Variants in KCNIP4 observed in about 807,000 individuals in gnomAD.
KCNIP4 encodes the protein potassium voltage-gated channel interacting protein 4, also known as Kv channel-interacting protein 4.
Under a neutral mutation model 34.0 loss-of-function variants are expected in KCNIP4, and 12 were observed. The ratio of observed to expected loss-of-function variants is 0.35; its 90% CI spans 0.23 to 0.57. KCNIP4 has a LOEUF of 0.57. Ranked by LOEUF, KCNIP4 falls within the 20% of genes least tolerant of loss-of-function variation. KCNIP4 has a pLI of 0.83. For missense variants in KCNIP4, 238 were observed against 311.7 expected (o/e 0.76, Z 1.78); for synonymous variants, 124 against 102.2 (o/e 1.21, Z -1.29).
chr4:21,428,035 TA>T (rs1278686802), intron 1 of KCNIP4, among the ~76,000 whole-genome samples: 6 of 151,606 alleles, frequency 4.0e-5, no homozygotes, highest in East Asian at 1.9e-4. Flanking sequence ...AAGGAGAGAG[TA>T]TTTTTTTTAT....
At chr4:21,611,572 ATT>A (rs2109147292) in intron 1 of KCNIP4, among the ~76,000 whole-genome samples, 1 of 152,316 alleles carries the variant, frequency 6.6e-6, no homozygotes, top group Admixed American at 6.5e-5. Flanking sequence ...GTTTGTTAAC[ATT>A]GATGAAGACA....
At chr4:21,117,315 G>A (rs566675688) in intron 1 of KCNIP4, among the ~76,000 whole-genome samples, 6 of 128,182 alleles carry the variant, frequency 4.7e-5, no homozygotes, top group African/African-American at 8.1e-5. Context: ...GGGGGGGGGG[G>A]GGGGCGCTGT....
Position 20,889,767 on chromosome 4 carries a change from C to CAA in KCNIP4, c.62-7060_62-7059dup, listed in dbSNP as rs201346832. Among the ~76,000 whole-genome samples the CAA allele has an allele frequency of 5.8e-4, 66 of 113,986 alleles. 1 individual carries two copies. The highest frequency in any genetic ancestry group is 5.0e-3 in the Middle Eastern group (1 of 200). The allele number at this position is 113,986 out of a possible 152,430, so 74.8% of individuals were successfully genotyped here. On this transcript the variant is annotated intron_variant, in intron 1 of 8. Transcript: ENST00000382152. ...GTTTAAAAAATAAAAACTGGAAGTT[C>CAA]AAAAAAAAAAAAAAACAAAATTAAG...
At chr4:21,579,929 A>G (rs1007549983) in intron 1 of KCNIP4, among the ~76,000 whole-genome samples, 1 of 152,164 alleles carries the variant, frequency 6.6e-6, no homozygotes, top group African/African-American at 2.4e-5. Context: ...TTTTCACAGA[A>G]CGCTTAGGTA....
At chr4:21,824,397 T>TA (rs903020894) in intron 1 of KCNIP4, among the ~76,000 whole-genome samples, 2 of 152,142 alleles carry the variant, frequency 1.3e-5, no homozygotes, top group African/African-American at 4.8e-5. Flanking sequence ...CTCCTAGGGA[T>TA]AAAATCACTA....
chr4:21,909,808 AAAGG>A, intron 1 of KCNIP4, among the ~76,000 whole-genome samples: 1 of 152,090 alleles, frequency 6.6e-6, no homozygotes, highest in East Asian at 1.9e-4. Context: ...GGCGACAGGC[AAAGG>A]GAGAATGAGA....
At chr4:21,308,968 T>A (rs998106417) in intron 1 of KCNIP4, among the ~76,000 whole-genome samples, 2 of 66,070 alleles carry the variant, frequency 3.0e-5, no homozygotes, top group African/African-American at 3.4e-4. Context: ...AAAATGAACG[T>A]GCTTAGAGAC....
chr4:21,071,977 C>A (rs989221635), intron 1 of KCNIP4, among the ~76,000 whole-genome samples: 1 of 152,022 alleles, frequency 6.6e-6, no homozygotes, highest in African/African-American at 2.4e-5. Context: ...TGAACTCATC[C>A]TTTTTTATGG....
chr4:21,417,832 A>T (rs989095990), intron 1 of KCNIP4, among the ~76,000 whole-genome samples: 2 of 152,214 alleles, frequency 1.3e-5, no homozygotes, highest in Non-Finnish European at 2.9e-5. Flanking sequence ...CAGCTAGGGT[A>T]GGAGTCACTG....
chr4:21,578,203 G>T (rs1330746455), intron 1 of KCNIP4, among the ~76,000 whole-genome samples: 1 of 151,596 alleles, frequency 6.6e-6, no homozygotes, highest in Non-Finnish European at 1.5e-5. Flanking sequence ...GCGTGGTAGC[G>T]GGCACCTGTA....
At chr4:21,740,881 G>T (rs17563311) in intron 1 of KCNIP4, among the ~76,000 whole-genome samples, 2 of 151,978 alleles carry the variant, frequency 1.3e-5, no homozygotes, top group Admixed American at 6.6e-5. Context: ...GTCAAGAAAA[G>T]AAAATATGCT....
intron 1 of KCNIP4, among the ~76,000 whole-genome samples, chr4:21,452,395 C>T (rs570235503): frequency 6.9e-6 from 1 of 145,520 alleles, no homozygotes; most frequent in Admixed American, 6.8e-5. Flanking sequence ...TTGAGTCTTT[C>T]CTACTGCCAT....
intron 1 of KCNIP4, among the ~76,000 whole-genome samples, chr4:21,806,670 CA>C (rs1721317665): frequency 6.6e-6 from 1 of 152,046 alleles, no homozygotes; most frequent in African/African-American, 2.4e-5. Flanking sequence ...TTGGGTTAGA[CA>C]TTAAACAAGT....
intron 1 of KCNIP4, among the ~76,000 whole-genome samples, chr4:21,109,977 C>T (rs1306678806): frequency 6.6e-6 from 1 of 151,994 alleles, no homozygotes; most frequent in Non-Finnish European, 1.5e-5. Context: ...ATTTGAAATA[C>T]ACAAATTTGT....
intron 1 of KCNIP4, among the ~76,000 whole-genome samples, chr4:21,652,746 C>A (rs10938852): frequency 0.32 from 49,352 of 151,888 alleles, 9,567 homozygotes; most frequent in East Asian, 0.9. Flanking sequence ...AAAGAGATCA[C>A]CAAAGAATAC....
At chr4:21,450,901 C>T (rs111741629) in intron 1 of KCNIP4, among the ~76,000 whole-genome samples, 4 of 152,078 alleles carry the variant, frequency 2.6e-5, no homozygotes, top group African/African-American at 9.6e-5. Flanking sequence ...TGCTGATCAC[C>T]ATGTATAGTT....
In KCNIP4 at chr4:21,183,465, TTTTG is replaced by T. The variant is rs1754992517; in HGVS notation, c.62-300760_62-300757del. On this transcript the variant is annotated intron_variant, in intron 1 of 8. Coordinates refer to ENST00000382152, the MANE Select transcript of KCNIP4 (RefSeq NM_025221.6). Reference sequence around the variant, plus strand: ...CAGTTTTCTGTAATGGCTGTGTTGTTTTTGTTTTTTTTTTTTTTGGTTTTTGGAG... The same window carrying T: ...CAGTTTTCTGTAATGGCTGTGTTGTTTTTTTTTTTTTTTTGGTTTTTGGAG... Among the ~76,000 whole-genome samples the T allele has an allele frequency of 5.7e-5, 8 of 140,446 alleles. No homozygotes were observed. In the South Asian group the frequency reaches 1.9e-3, roughly 33 times the overall value. 92.1% of individuals were successfully genotyped at this position (140,446 alleles called of 152,430 possible). A position where few individuals can be genotyped will look rare whatever the true frequency, so the allele number is the denominator to read the frequency against.
chr4:21,761,700 T>G (rs1332032246), intron 1 of KCNIP4, among the ~76,000 whole-genome samples: 13 of 152,110 alleles, frequency 8.5e-5, no homozygotes. Context: ...ACAAAATTAA[T>G]TTTTAATTAT....
At chr4:21,671,972 C>G (rs573745845) in intron 1 of KCNIP4, among the ~76,000 whole-genome samples, 226 of 152,164 alleles carry the variant, frequency 1.5e-3, no homozygotes, top group African/African-American at 5.3e-3. Flanking sequence ...GTATGAAGGC[C>G]CCAGCAGTAA....
Sources: gnomAD v4.1 joint callset for allele counts (sites outside exome capture counted in the v4.1 genomes callset) on GRCh38, gnomAD v4.1.1 for gene constraint, MANE v1.5 for transcripts, NCBI Gene and HGNC (gene_info 2026-07-23, HGNC 2026-07-21) for gene names.